Variants in PITRM1 observed in about 807,000 individuals in gnomAD.
The protein encoded by PITRM1 is pitrilysin metallopeptidase 1.
A neutral mutation model predicts 129.9 loss-of-function variants in PITRM1; 100 were observed. The ratio of observed to expected loss-of-function variants is 0.77; its 90% confidence interval spans 0.65 to 0.91. PITRM1 has a LOEUF of 0.91. Ranked by LOEUF, PITRM1 falls within the 40% of genes least tolerant of loss-of-function variation. The pLI, the probability that PITRM1 is intolerant of heterozygous loss-of-function variation, is 0.00. For synonymous variants in PITRM1, 591 were observed against 508.8 expected (o/e 1.16, Z -2.17); for missense variants, 1,471 against 1,318.3 (o/e 1.12, Z -1.79).
At chr10:3,150,294 G>A (rs1165854149) in intron 15 of PITRM1, among the ~76,000 whole-genome samples, 1 of 152,190 alleles carries the variant, frequency 6.6e-6, no homozygotes, top group East Asian at 1.9e-4. Flanking sequence ...GCGGAAGGAT[G>A]ACTGATTTAT....
Position 3,165,531 on chromosome 10 carries a change from G to C in PITRM1, c.419-4C>G, listed in dbSNP as rs1842789619. On this transcript the variant is annotated splice_region_variant and splice_polypyrimidine_tract_variant and intron_variant, in intron 4 of 26. Transcript: ENST00000224949. ...GGATACAGAGTATAATCACTAGCTG[G>C]GTACAAATGAAAAGTGAAATTGTAA... The C allele has an allele frequency of 6.7e-7, 1 of 1,482,462 alleles. No individual in the cohort carries two copies. Among genetic ancestry groups the C allele is most frequent in the Non-Finnish European group, 9.4e-7 (1 of 1,064,340 alleles). 91.8% of individuals were successfully genotyped at this position (1,482,462 alleles called of 1,614,324 possible).
At chr10:3,151,795 G>A (rs1841541722) in intron 14 of PITRM1, among the ~76,000 whole-genome samples, 2 of 152,192 alleles carry the variant, frequency 1.3e-5, no homozygotes, top group Non-Finnish European at 2.9e-5. Context: ...GAGTACAGTG[G>A]CACCATCTCA....
intron 1 of PITRM1, among the ~76,000 whole-genome samples, chr10:3,171,957 T>C (rs932923927): frequency 6.6e-6 from 1 of 152,250 alleles, no homozygotes; most frequent in African/African-American, 2.4e-5. Flanking sequence ...AGATAATATG[T>C]ACAGGAAGAA....
At chr10:3,150,235 A>C (rs952579286) in intron 15 of PITRM1, among the ~76,000 whole-genome samples, 7 of 148,062 alleles carry the variant, frequency 4.7e-5, no homozygotes, top group African/African-American at 1.7e-4. Flanking sequence ...ATTCAGCTTC[A>C]TATGTCCCTA....
intron 25 of PITRM1, 125 bp downstream of exon 25, chr10:3,138,779 T>G (rs1477064992): frequency 1.1e-6 from 1 of 897,240 alleles, no homozygotes. Context: ...GTGGAAATCG[T>G]ATCACAAGCA....
In PITRM1 at chr10:3,137,734, C is replaced by T. The variant is rs1434662301; in HGVS notation, c.*297G>A. 2.4e-6 allele frequency: 1 copy of T among 418,792 alleles called. No individual in the cohort carries two copies. The highest frequency in any genetic ancestry group is 4.6e-6 in the Non-Finnish European group (1 of 217,414). The allele number at this position is 418,792 out of a possible 1,614,324, so 25.9% of individuals were successfully genotyped here. A position where few individuals can be genotyped will look rare whatever the true frequency, so the allele number is the denominator to read the frequency against. ...ATAATGACTCAAGCAGAGGTTAAGT[C>T]AGAGTTGCCCTTTATTTTTAGATTC... On this transcript the variant is annotated 3_prime_UTR_variant, in exon 27 of 27. Coordinates refer to ENST00000224949, the MANE Select transcript of PITRM1 (RefSeq NM_014889.4).
At chr10:3,164,971 G>C (rs191003094) in intron 6 of PITRM1, among the ~76,000 whole-genome samples, 7 of 152,270 alleles carry the variant, frequency 4.6e-5, no homozygotes, top group African/African-American at 1.7e-4. Flanking sequence ...ACACTGTCTT[G>C]GTAGTGGTAT....
At chr10:3,138,436 C>A in intron 25 of PITRM1, 99 bp from the exon 26 acceptor site, 1 of 789,540 alleles carries the variant, frequency 1.3e-6, no homozygotes, top group Non-Finnish European at 2.2e-6. Context: ...ATCTCACTGT[C>A]ATTTCACGTG....
At chr10:3,158,215 T>C in intron 10 of PITRM1, 62 bp from the exon 11 acceptor site, 1 of 898,816 alleles carries the variant, frequency 1.1e-6, no homozygotes, top group South Asian at 1.4e-5. Flanking sequence ...GCCCTCGTAA[T>C]ATGCTTGATT....
At chr10:3,157,950 G>C (rs150245269) in intron 11 of PITRM1, 90 bp downstream of exon 11, 24 of 792,436 alleles carry the variant, frequency 3.0e-5, no homozygotes, top group Middle Eastern at 2.3e-4. Flanking sequence ...AGAGAAGGAA[G>C]GCCGAAACAA....
At chr10:3,146,895 TG>T (rs1183658811) in intron 20 of PITRM1, 2 of 277,182 alleles carry the variant, frequency 7.2e-6, no homozygotes, top group African/African-American at 4.5e-5. Context: ...CATGTGCTTT[TG>T]GAAGCAATAT....
chr10:3,140,587 T>A, intron 24 of PITRM1, 100 bp downstream of exon 24: 1 of 1,128,800 alleles, frequency 8.9e-7, no homozygotes, highest in Non-Finnish European at 1.3e-6. Flanking sequence ...ACAACTTTTG[T>A]CTAAAATTCA....
chr10:3,166,375 T>TGCACGCTAGGGGAGAGAGAGGAATG lies in PITRM1; in HGVS notation c.271_272insCATTCCTCTCTCTCCCCTAGCGTGC (p.Gln91ProfsTer7). On this transcript the variant is annotated stop_gained and frameshift_variant, in exon 4 of 27. Coordinates refer to ENST00000224949, the MANE Select transcript of PITRM1 (RefSeq NM_014889.4). LOFTEE classifies it high-confidence loss of function. The stretch of plus-strand genomic sequence containing the variant: ...ACTGTCCATGGGAGTAGTACGGAAC[T>TGCACGCTAGGGGAGAGAGAGGAATG]GCACGCTAGGGAAGGAGAATGACCA... The TGCACGCTAGGGGAGAGAGAGGAATG allele has an allele frequency of 7.1e-7, 1 of 1,413,944 alleles. No individual in the cohort carries two copies. Among genetic ancestry groups the TGCACGCTAGGGGAGAGAGAGGAATG allele is most frequent in the Non-Finnish European group, 9.9e-7 (1 of 1,008,358 alleles). The allele number at this position is 1,413,944 out of a possible 1,614,324, so 87.6% of individuals were successfully genotyped here. A position where few individuals can be genotyped will look rare whatever the true frequency, so the allele number is the denominator to read the frequency against.
chr10:3,149,895 C>T (rs1227058032), intron 15 of PITRM1, 142 bp from the exon 16 acceptor site: 3 of 875,974 alleles, frequency 3.4e-6, no homozygotes, highest in Non-Finnish European at 5.2e-6. Flanking sequence ...ATTTCCCAAT[C>T]ATATTTTCAT....
At position 3,171,169 on chromosome 10, in the gene PITRM1, A is replaced by C. The variant is rs1231229479; in HGVS notation, c.57-963T>G. ...AATTAAAAAAAAAAAAAAAAAAAAA[A>C]AAAAAAAAAAAAAAACCTTACCAAT... is the stretch of plus-strand genomic sequence containing the variant. On this transcript the variant is annotated intron_variant, in intron 1 of 26. Coordinates refer to ENST00000224949, the MANE Select transcript of PITRM1 (RefSeq NM_014889.4). 1.4e-5 allele frequency among the ~76,000 whole-genome samples: 2 copies of C among 141,778 alleles called. 1 individual carries two copies. 93.0% of individuals were successfully genotyped at this position (141,778 alleles called of 152,430 possible). A position where few individuals can be genotyped will look rare whatever the true frequency, so the allele number is the denominator to read the frequency against.
chr10:3,144,347 G>T lies in PITRM1; in HGVS notation c.2477C>A (p.Ser826Tyr). The T allele has an allele frequency of 1.3e-6, 2 of 1,559,380 alleles. No individual in the cohort carries two copies. Among genetic ancestry groups the T allele is most frequent in the Non-Finnish European group, 1.7e-6 (2 of 1,150,118 alleles). Residue 826 changes from serine (S) to tyrosine (Y), a missense_variant, in exon 22 of 27, where the codon TCT becomes TAT. Ser to Tyr is a moderately radical substitution (Grantham distance 144). Coordinates refer to ENST00000224949, the MANE Select transcript of PITRM1 (RefSeq NM_014889.4). Reference protein sequence around the residue: ...HTVEKPVPSSSGGDAHVPHGS... With the variant: ...HTVEKPVPSSYGGDAHVPHGS... Reference sequence around the variant, plus strand: ...ATGGGGAACGTGGGCATCTCCACCAGAGCTGCTGGGCACAGGTTTCTGAAA... The same window carrying T: ...ATGGGGAACGTGGGCATCTCCACCATAGCTGCTGGGCACAGGTTTCTGAAA...
chr10:3,167,168 T>G (rs1410192286), intron 2 of PITRM1, 126 bp from the exon 3 acceptor site: 3 of 617,468 alleles, frequency 4.9e-6, no homozygotes, highest in Non-Finnish European at 8.6e-6. Context: ...AAGGCAGTAT[T>G]TCAGAGCTGG....
At chr10:3,169,365 C>G (rs1166857290) in intron 2 of PITRM1, among the ~76,000 whole-genome samples, 1 of 152,194 alleles carries the variant, frequency 6.6e-6, no homozygotes. Context: ...GGAGCTCTTC[C>G]CTCTGCCCCC....
intron 24 of PITRM1, among the ~76,000 whole-genome samples, 152 bp from the exon 25 acceptor site, chr10:3,139,201 C>G (rs1839933571): frequency 6.6e-6 from 1 of 152,194 alleles, no homozygotes; most frequent in South Asian, 2.1e-4. Flanking sequence ...ACAAATCGCT[C>G]AATTACTCTC....
Sources: allele counts gnomAD v4.1 joint callset (sites outside exome capture counted in the v4.1 genomes callset), GRCh38; gene constraint gnomAD v4.1.1; transcripts MANE v1.5; gene names NCBI Gene and HGNC (gene_info 2026-07-23, HGNC 2026-07-21).